JMJD1C: variants seen among roughly 807,000 people sequenced by gnomAD.
JMJD1C encodes jumonji domain containing 1C.
A neutral mutation model predicts 245.3 loss-of-function variants in JMJD1C; 31 were observed. That is an observed-to-expected ratio of 0.13 (90% confidence interval 0.09 to 0.17). The LOEUF is 0.17. Ranked by LOEUF, JMJD1C falls within the 10% of genes least tolerant of loss-of-function variation. JMJD1C has a pLI of 1.00. For synonymous variants in JMJD1C, 1,057 were observed against 1,017.4 expected (o/e 1.04, Z -0.74); for missense variants, 2,691 against 3,000.2 (o/e 0.90, Z 2.41).
intron 1 of JMJD1C, among the ~76,000 whole-genome samples, chr10:63,457,720 T>G (rs1302255404): frequency 6.6e-6 from 1 of 152,184 alleles, no homozygotes; most frequent in African/African-American, 2.4e-5. Context: ...GGTTTTTACT[T>G]TGAGAGTCTG....
chr10:63,363,562 C>T (rs1178321737), intron 2 of JMJD1C, among the ~76,000 whole-genome samples: 1 of 151,842 alleles, frequency 6.6e-6, no homozygotes, highest in Non-Finnish European at 1.5e-5. Flanking sequence ...CTAACCCATA[C>T]AATTTTTCGA....
At chr10:63,509,097 CCT>C (rs1219138764) in intron 1 of JMJD1C, among the ~76,000 whole-genome samples, 1 of 152,122 alleles carries the variant, frequency 6.6e-6, no homozygotes, top group Non-Finnish European at 1.5e-5. Context: ...TAAGAAAGTT[CCT>C]CTCTCTTCCT....
At chr10:63,175,209 C>T (rs574880085) in intron 24 of JMJD1C, among the ~76,000 whole-genome samples, 1 of 152,222 alleles carries the variant, frequency 6.6e-6, no homozygotes, top group South Asian at 2.1e-4. Context: ...TAGCTATTTT[C>T]TGCTAAGAGT....
intron 2 of JMJD1C, among the ~76,000 whole-genome samples, chr10:63,281,966 G>A (rs998058979): frequency 2.0e-5 from 3 of 152,122 alleles, no homozygotes; most frequent in Non-Finnish European, 4.4e-5. Flanking sequence ...CATCCTCAAG[G>A]AGTAGGACAT....
intron 2 of JMJD1C, among the ~76,000 whole-genome samples, chr10:63,326,427 AAGAT>A (rs1221208344): frequency 1.4e-5 from 2 of 143,768 alleles, no homozygotes; most frequent in Middle Eastern, 3.9e-3. Flanking sequence ...TAAATAAATA[AAGAT>A]AATAAAATAT....
At position 63,510,076 on chromosome 10, in the gene JMJD1C, C is replaced by A. The variant is rs183987348; in HGVS notation, n.113+11662G>T. On this transcript the variant is annotated intron_variant and non_coding_transcript_variant, in intron 1 of 3. Transcript: ENST00000633035. ...AGAGTGCAGTGGCGTGATCTCGGCTCACTGCAAGCTCCGCCTCCTAGGTTC... is the reference window on the plus strand; with the variant it reads ...AGAGTGCAGTGGCGTGATCTCGGCTAACTGCAAGCTCCGCCTCCTAGGTTC... Among the ~76,000 whole-genome samples, 28 of 151,576 alleles carry A rather than the reference C, an allele frequency of 1.8e-4. No homozygotes were observed. The East Asian group carries it at 4.7e-3, about 25-fold the overall frequency.
chr10:63,210,687 C>T (rs1847208955), intron 8 of JMJD1C, among the ~76,000 whole-genome samples: 1 of 152,094 alleles, frequency 6.6e-6, no homozygotes, highest in African/African-American at 2.4e-5. Flanking sequence ...ACATTAATGA[C>T]GTGAGAGTGA....
chr10:63,414,219 C>G (rs1410863286), intron 1 of JMJD1C, among the ~76,000 whole-genome samples: 1 of 152,040 alleles, frequency 6.6e-6, no homozygotes, highest in Non-Finnish European at 1.5e-5. Context: ...ATCTCCTGAC[C>G]TCGTGATCTG....
intron 1 of JMJD1C, among the ~76,000 whole-genome samples, chr10:63,396,114 A>T (rs1171831937): frequency 6.6e-6 from 1 of 152,162 alleles, no homozygotes; most frequent in African/African-American, 2.4e-5. Flanking sequence ...GAATTTATAT[A>T]AAAAAGTTAA....
chr10:63,439,115 C>T (rs1272812826), intron 1 of JMJD1C, among the ~76,000 whole-genome samples: 1 of 152,142 alleles, frequency 6.6e-6, no homozygotes, highest in African/African-American at 2.4e-5. Context: ...CAACACCTGT[C>T]AAAGACTAAA....
At chr10:63,468,905 G>A (rs567651783), upstream of JMJD1C, among the ~76,000 whole-genome samples, 1 of 152,146 alleles carries the variant, frequency 6.6e-6, no homozygotes, top group South Asian at 2.1e-4. Context: ...CTTGAGCCCA[G>A]GACTTCTGTT....
At chr10:63,350,096 G>C (rs1037293887) in intron 2 of JMJD1C, among the ~76,000 whole-genome samples, 1 of 152,106 alleles carries the variant, frequency 6.6e-6, no homozygotes, top group African/African-American at 2.4e-5. Flanking sequence ...CACATAAAAT[G>C]ATTTTCTCAC....
intron 2 of JMJD1C, among the ~76,000 whole-genome samples, chr10:63,270,148 G>C (rs531056738): frequency 4.3e-4 from 66 of 152,242 alleles, no homozygotes; most frequent in South Asian, 1.7e-3. Context: ...TACTGGACAA[G>C]AATGCTCTAA....
At chr10:63,476,817 C>T (rs1953675684) in intron 1 of JMJD1C, among the ~76,000 whole-genome samples, 1 of 152,054 alleles carries the variant, frequency 6.6e-6, no homozygotes, top group South Asian at 2.1e-4. Flanking sequence ...GTAATCCCAG[C>T]ACTTTGGGAG....
intron 3 of JMJD1C, among the ~76,000 whole-genome samples, chr10:63,240,248 A>G (rs1851316280): frequency 6.6e-6 from 1 of 152,162 alleles, no homozygotes; most frequent in Non-Finnish European, 1.5e-5. Flanking sequence ...GGAAAAAACC[A>G]AAAAGGAACA....
intron 2 of JMJD1C, among the ~76,000 whole-genome samples, chr10:63,362,899 T>C (rs1423826305): frequency 2.0e-5 from 3 of 152,104 alleles, no homozygotes; most frequent in Non-Finnish European, 4.4e-5. Context: ...AAAAACACTT[T>C]GTGAGTGAGA....
At chr10:63,196,922 A>G (rs555257086) in intron 13 of JMJD1C, among the ~76,000 whole-genome samples, 1 of 152,018 alleles carries the variant, frequency 6.6e-6, no homozygotes, top group African/African-American at 2.4e-5. Context: ...TCAGCCTCCC[A>G]GGTAATTGGG....
intron 24 of JMJD1C, among the ~76,000 whole-genome samples, chr10:63,171,914 T>C (rs1444991998): frequency 2.6e-5 from 4 of 152,218 alleles, no homozygotes; most frequent in Non-Finnish European, 2.9e-5. Context: ...CAGGTTAATA[T>C]TGTAAACACT....
chr10:63,244,213 A>C (rs771678754), intron 3 of JMJD1C, among the ~76,000 whole-genome samples: 53 of 152,300 alleles, frequency 3.5e-4, no homozygotes, highest in South Asian at 1.4e-3. Context: ...TGTGGAGATT[A>C]GTTCCACAGG....
Sources: gnomAD v4.1 joint callset for allele counts (sites outside exome capture counted in the v4.1 genomes callset) on GRCh38, gnomAD v4.1.1 for gene constraint, MANE v1.5 for transcripts, NCBI Gene and HGNC (gene_info 2026-07-23, HGNC 2026-07-21) for gene names.